The following SPOCK1 variants were observed in gnomAD, a reference collection of about 807,000 sequenced individuals.
SPOCK1 encodes SPARC (osteonectin), cwcv and kazal like domains proteoglycan 1, also known as testican-1.
In SPOCK1, 23 loss-of-function variants were observed where a neutral mutation model predicts 55.3. The ratio of observed to expected loss-of-function variants is 0.42; its 90% CI spans 0.30 to 0.59. The LOEUF is 0.59. SPOCK1 is among the 20% of genes least tolerant of loss of function. SPOCK1 has a pLI of 0.22. For missense variants in SPOCK1, 499 were observed against 552.5 expected, an observed-to-expected ratio of 0.90 and a Z score of 0.97; for synonymous variants, 226 against 221.0, an observed-to-expected ratio of 1.02 and a Z score of -0.20.
intron 4 of SPOCK1, among the ~76,000 whole-genome samples, chr5:137,115,651 C>G (rs1299205869): frequency 6.6e-6 from 1 of 152,120 alleles, no homozygotes; most frequent in Non-Finnish European, 1.5e-5. Flanking sequence ...ATTCTGAATG[C>G]TCTCAATTCT....
intron 2 of SPOCK1, among the ~76,000 whole-genome samples, chr5:137,373,504 A>G (rs1467723052): frequency 6.6e-6 from 1 of 152,196 alleles, no homozygotes; most frequent in African/African-American, 2.4e-5. Flanking sequence ...TATCTGCCCA[A>G]TGCCTGCAGA....
At chr5:137,172,961 G>A (rs576150262) in intron 3 of SPOCK1, among the ~76,000 whole-genome samples, 1 of 152,282 alleles carries the variant, frequency 6.6e-6, no homozygotes, top group East Asian at 1.9e-4. Context: ...CACAAGTGAT[G>A]CACAGGGCCT....
At chr5:137,015,285 CAAAAA>C (rs11440015) in intron 6 of SPOCK1, among the ~76,000 whole-genome samples, 2 of 139,400 alleles carry the variant, frequency 1.4e-5, no homozygotes, top group African/African-American at 5.3e-5. Flanking sequence ...ACTAAAAATA[CAAAAA>C]AAAAAAAAAA....
At chr5:137,321,737 G>C (rs1221302493) in intron 2 of SPOCK1, among the ~76,000 whole-genome samples, 2 of 152,032 alleles carry the variant, frequency 1.3e-5, no homozygotes, top group Non-Finnish European at 2.9e-5. Flanking sequence ...AATTAGCCAG[G>C]CATGGTAGCA....
chr5:137,390,016 C>T (rs1751682625), intron 2 of SPOCK1, among the ~76,000 whole-genome samples: 1 of 152,188 alleles, frequency 6.6e-6, no homozygotes, highest in African/African-American at 2.4e-5. Flanking sequence ...TCTCTACCTC[C>T]ACCCAGGTTC....
At chr5:137,160,624 T>TATATAATATACAA (rs1561631839) in intron 3 of SPOCK1, among the ~76,000 whole-genome samples, 8 of 69,340 alleles carry the variant, frequency 1.2e-4, no homozygotes, top group African/African-American at 3.8e-4. Flanking sequence ...AATATATATT[T>TATATAATATACAA]TATATAATAT....
intron 2 of SPOCK1, among the ~76,000 whole-genome samples, chr5:137,349,602 G>A (rs1200726923): frequency 1.3e-5 from 2 of 152,232 alleles, no homozygotes; most frequent in African/African-American, 2.4e-5. Context: ...CCAAGATGGA[G>A]GTTGGCAGGG....
At chr5:137,262,490 AC>A (rs1443253093) in intron 3 of SPOCK1, among the ~76,000 whole-genome samples, 1 of 151,802 alleles carries the variant, frequency 6.6e-6, no homozygotes, top group East Asian at 1.9e-4. Context: ...TCACTTCCCT[AC>A]CCCCCAGTAG....
chr5:137,110,215 G>T (rs1045085035), intron 5 of SPOCK1, among the ~76,000 whole-genome samples: 1 of 152,168 alleles, frequency 6.6e-6, no homozygotes, highest in Admixed American at 6.5e-5. Flanking sequence ...TCCTTCTTCG[G>T]ATATGTGGAA....
At chr5:137,441,729 T>C (rs1313929136) in intron 2 of SPOCK1, among the ~76,000 whole-genome samples, 1 of 152,164 alleles carries the variant, frequency 6.6e-6, no homozygotes, top group Non-Finnish European at 1.5e-5. Flanking sequence ...GGTAATTCAT[T>C]AGCAAAAGAG....
At chr5:137,131,686 C>T (rs532500010) in intron 4 of SPOCK1, among the ~76,000 whole-genome samples, 1,634 of 148,494 alleles carry the variant, frequency 0.011, 34 homozygotes, top group African/African-American at 0.039. Flanking sequence ...TAAAAAATAT[C>T]TCCCCCCCGG....
rs1754634863 is a variant in SPOCK1 at position 137,165,583 on chromosome 5, G to C, written c.233-24889C>G. Reference sequence around the variant, plus strand: ...CAAATGAACTAAATAAGGCACCAGGGACCAATCCTGGAGAAACAGAAATAT... The same window carrying C: ...CAAATGAACTAAATAAGGCACCAGGCACCAATCCTGGAGAAACAGAAATAT... On this transcript the variant is annotated intron_variant, in intron 3 of 10. Coordinates refer to ENST00000394945, the MANE Select transcript of SPOCK1 (RefSeq NM_004598.4). 2.6e-5 allele frequency among the ~76,000 whole-genome samples: 4 copies of C among 152,214 alleles called. No individual in the cohort carries two copies. In the South Asian group the frequency reaches 8.3e-4, roughly 32 times the overall value.
intron 2 of SPOCK1, among the ~76,000 whole-genome samples, chr5:137,413,007 CA>C (rs1752241481): frequency 6.6e-6 from 1 of 150,944 alleles, no homozygotes; most frequent in African/African-American, 2.4e-5. Flanking sequence ...CCTTTAAAAA[CA>C]ACATGTAGCA....
At position 137,391,565 on chromosome 5, in the gene SPOCK1, TG is replaced by T. The variant is rs1445055356; in HGVS notation, c.186+106807del. Among the ~76,000 whole-genome samples, 16 of 152,190 alleles carry T rather than the reference TG, an allele frequency of 1.1e-4. 1 individual carries two copies. Among genetic ancestry groups the T allele is most frequent in the East Asian group, 3.9e-4 (2 of 5,150 alleles). Reference sequence around the variant, plus strand: ...GAAGCTGTAACTGCAAATACAGCAATGGTGACTACCCCATGACAGAATGGGG... The same window carrying T: ...GAAGCTGTAACTGCAAATACAGCAATGTGACTACCCCATGACAGAATGGGG... On this transcript the variant is annotated intron_variant, in intron 2 of 10. Transcript: ENST00000394945.
At chr5:137,043,135 A>ATTTT (rs1752033032) in intron 6 of SPOCK1, among the ~76,000 whole-genome samples, 1 of 152,194 alleles carries the variant, frequency 6.6e-6, no homozygotes, top group South Asian at 2.1e-4. Flanking sequence ...AATACACCAC[A>ATTTT]GTGGGGGTAT....
intron 2 of SPOCK1, among the ~76,000 whole-genome samples, chr5:137,330,535 TG>T (rs2127151110): frequency 6.6e-6 from 1 of 152,348 alleles, no homozygotes; most frequent in East Asian, 1.9e-4. Context: ...TAAAAGTGAA[TG>T]TGAATGCAAG....
chr5:137,309,013 G>C (rs764091715), intron 2 of SPOCK1, among the ~76,000 whole-genome samples: 3 of 152,142 alleles, frequency 2.0e-5, no homozygotes, highest in Non-Finnish European at 4.4e-5. Context: ...GTGGTGAGAT[G>C]CTGGATTTTT....
intron 2 of SPOCK1, among the ~76,000 whole-genome samples, chr5:137,330,224 A>AC (rs960304880): frequency 1.3e-5 from 2 of 151,672 alleles, no homozygotes; most frequent in East Asian, 1.9e-4. Flanking sequence ...TGAATCAGAG[A>AC]CCCCCCAGAC....
At chr5:137,343,906 C>T (rs1315263535) in intron 2 of SPOCK1, among the ~76,000 whole-genome samples, 1 of 152,152 alleles carries the variant, frequency 6.6e-6, no homozygotes, top group Admixed American at 6.5e-5. Flanking sequence ...TACCAGGTGC[C>T]ATACAGGAGA....
Sources: gnomAD v4.1 joint callset for allele counts (sites outside exome capture counted in the v4.1 genomes callset) on GRCh38, gnomAD v4.1.1 for gene constraint, MANE v1.5 for transcripts, NCBI Gene and HGNC (gene_info 2026-07-23, HGNC 2026-07-21) for gene names.